SLC24A1: variants seen among roughly 807,000 people sequenced by gnomAD.
SLC24A1 encodes the protein sodium/potassium/calcium exchanger 1.
A neutral mutation model predicts 88.1 loss-of-function variants in SLC24A1; 52 were observed. The ratio of observed to expected loss-of-function variants is 0.59; its 90% CI spans 0.47 to 0.74. The LOEUF is 0.74. SLC24A1 is among the 30% of genes least tolerant of loss of function. The pLI is 0.00. For synonymous variants in SLC24A1, 455 were observed against 498.0 expected (o/e 0.91, Z 1.15); for missense variants, 1,173 against 1,363.3 (o/e 0.86, Z 2.20).
chr15:65,660,157 G>T (rs1362099327), downstream of SLC24A1: 6 of 649,610 alleles, frequency 9.2e-6, no homozygotes, highest in Non-Finnish European at 1.6e-5. Context: ...GAATAATATT[G>T]GAGTGGTATT....
At chr15:65,636,445 C>T (rs188101943) in intron 2 of SLC24A1, among the ~76,000 whole-genome samples, 5 of 151,854 alleles carry the variant, frequency 3.3e-5, no homozygotes, top group Admixed American at 2.0e-4. Context: ...AGCCGGGTGT[C>T]GTAGTACGCA....
At chr15:65,637,293 T>C (rs574439677) in intron 2 of SLC24A1, among the ~76,000 whole-genome samples, 1 of 151,672 alleles carries the variant, frequency 6.6e-6, no homozygotes, top group South Asian at 2.1e-4. Flanking sequence ...CACAGCTGAT[T>C]TTAGTATCAC....
At chr15:65,631,097 A>G (rs2074708879) in intron 2 of SLC24A1, among the ~76,000 whole-genome samples, 1 of 152,220 alleles carries the variant, frequency 6.6e-6, no homozygotes, top group African/African-American at 2.4e-5. Flanking sequence ...GAAAAACTCA[A>G]ACATCTGATC....
At position 65,624,316 on chromosome 15, in the gene SLC24A1, C is replaced by G. The variant is rs2074423310; in HGVS notation, c.236C>G (p.Pro79Arg). The part of the protein sequence containing the change: ...SEEMMMMSSS[P>R]SKPSSEMGGK... ...GAGATGATGATGATGAGCAGCAGCC[C>G]TTCAAAACCTAGCTCCGAAATGGGG... Residue 79 changes from proline to arginine, a missense_variant, in exon 2 of 10, where the codon CCT becomes CGT. Transcript: ENST00000261892. The G allele has an allele frequency of 6.2e-7, 1 of 1,613,562 alleles. No homozygotes were observed.
At chr15:65,614,893 T>G (rs1423869870) in intron 2 of SLC24A1, among the ~76,000 whole-genome samples, 1 of 152,162 alleles carries the variant, frequency 6.6e-6, no homozygotes, top group Non-Finnish European at 1.5e-5. Context: ...TCTAAGAAAG[T>G]AGAAAGGAAC....
chr15:65,635,951 A>C (rs2074918093), intron 2 of SLC24A1, among the ~76,000 whole-genome samples: 1 of 152,242 alleles, frequency 6.6e-6, no homozygotes, highest in South Asian at 2.1e-4. Context: ...GCAGGTTCTC[A>C]GTAAATAAGA....
In SLC24A1 at chr15:65,650,771, GGAGGAAGAGCAGGAGGAA is replaced by G. The variant is rs775623550; in HGVS notation, c.2628_2645del (p.Gln878_Glu883del). ...AGGAAGAGCAGGAGGAAGAGGAGGA[GGAGGAAGAGCAGGAGGAA>G]GAGGAGGAGGAGGAGGAGGAAGAGG... On this transcript the variant is annotated inframe_deletion, in exon 7 of 10. Coordinates refer to ENST00000261892, the MANE Select transcript of SLC24A1 (RefSeq NM_004727.3). The surrounding 1 kb of genome is among the most constrained non-coding windows in gnomAD (Gnocchi z 4.1). The G allele has an allele frequency of 4.8e-5, 78 of 1,611,126 alleles. No individual in the cohort carries two copies. Among genetic ancestry groups the G allele is most frequent in the Non-Finnish European group, 2.5e-6 (3 of 1,178,676 alleles).
chr15:65,646,773 T>G (rs2075314969), intron 6 of SLC24A1, among the ~76,000 whole-genome samples: 1 of 152,186 alleles, frequency 6.6e-6, no homozygotes, highest in African/African-American at 2.4e-5. Flanking sequence ...TCTCTTTTTT[T>G]CTCTCCATTC....
At position 65,655,878 on chromosome 15, in the gene SLC24A1, A is replaced by G. The variant is rs2075666622; in HGVS notation, c.*1799A>G. The stretch of plus-strand genomic sequence containing the variant: ...AATGGTATTTTACTTTACAACATGG[A>G]TGGGCTCATCCTTATCTTTAGGTCA... On this transcript the variant is annotated 3_prime_UTR_variant, in exon 10 of 10. Transcript: ENST00000261892. 1.5e-5 allele frequency: 15 copies of G among 985,336 alleles called. No homozygotes were observed. Among genetic ancestry groups the G allele is most frequent in the Non-Finnish European group, 1.8e-5 (15 of 829,828 alleles). 61.0% of individuals were successfully genotyped at this position (985,336 alleles called of 1,614,324 possible).
chr15:65,647,475 CAAAAAAA>C (rs199501932), intron 6 of SLC24A1, among the ~76,000 whole-genome samples: 4 of 81,188 alleles, frequency 4.9e-5, no homozygotes, highest in African/African-American at 1.3e-4. Flanking sequence ...GAGACTGTCT[CAAAAAAA>C]AAAAAAAAAA....
chr15:65,613,324 G>A lies in SLC24A1; in HGVS notation c.-228+711G>A, dbSNP rs34591601. Reference sequence around the variant, plus strand: ...CAGAAAAACCATGGCTCTCACAGGGGCTAGGTACTGGGGAGCTCAAAGGGA... The same window carrying A: ...CAGAAAAACCATGGCTCTCACAGGGACTAGGTACTGGGGAGCTCAAAGGGA... On this transcript the variant is annotated intron_variant, in intron 2 of 11. Coordinates refer to the SLC24A1 transcript ENST00000537259. Among the ~76,000 whole-genome samples, 1,271 of 152,282 alleles carry A rather than the reference G, an allele frequency of 8.3e-3. 12 individuals carry two copies. Among genetic ancestry groups the A allele is most frequent in the Non-Finnish European group, 0.014 (973 of 68,022 alleles).
chr15:65,626,054 G>C (rs1182141714), intron 2 of SLC24A1, 84 bp downstream of exon 2: 7 of 963,236 alleles, frequency 7.3e-6, no homozygotes, highest in Non-Finnish European at 1.0e-5. Context: ...GAAGGTGCTG[G>C]ATCAGACCTC....
intron 4 of SLC24A1, among the ~76,000 whole-genome samples, chr15:65,641,348 G>A (rs1362031253): frequency 6.6e-6 from 1 of 151,172 alleles, no homozygotes. Flanking sequence ...GACAGAGCGA[G>A]ACCATCTCTA....
At chr15:65,621,315 G>A (rs906945825), upstream of SLC24A1, among the ~76,000 whole-genome samples, 3 of 152,200 alleles carry the variant, frequency 2.0e-5, no homozygotes, top group African/African-American at 7.2e-5. Flanking sequence ...GTCATGGGCT[G>A]GAGGCGCGGG....
rs1194066869 is a variant in SLC24A1, at chr15:65,650,310, A to T, written c.2233-72A>T. The T allele has an allele frequency of 5.3e-6, 7 of 1,309,288 alleles. No individual in the cohort carries two copies. The East Asian group carries it at 1.5e-4, about 28-fold the overall frequency. The allele number at this position is 1,309,288 out of a possible 1,614,324, so 81.1% of individuals were successfully genotyped here. On this transcript the variant is annotated intron_variant, in intron 6 of 9. Coordinates refer to ENST00000261892, the MANE Select transcript of SLC24A1 (RefSeq NM_004727.3). The surrounding 1 kb of genome is among the most constrained non-coding windows in gnomAD (Gnocchi z 4.1). ...CCTTCTGAGAAGCACGCCAACAAAA[A>T]AATGGGGGAGTAACATAAGGAAAAC...
downstream of SLC24A1, among the ~76,000 whole-genome samples, chr15:65,658,866 A>G (rs142062323): frequency 3.4e-3 from 515 of 152,314 alleles, 4 homozygotes; most frequent in African/African-American, 0.012. Context: ...GTTTTCTGGG[A>G]CCATTTCTCT....
At chr15:65,631,200 C>T (rs940265629) in intron 2 of SLC24A1, among the ~76,000 whole-genome samples, 2 of 152,084 alleles carry the variant, frequency 1.3e-5, no homozygotes, top group African/African-American at 2.4e-5. Context: ...AATATTTTCT[C>T]CTAGTGCATA....
At chr15:65,636,816 C>T (rs2074951232) in intron 2 of SLC24A1, among the ~76,000 whole-genome samples, 1 of 151,644 alleles carries the variant, frequency 6.6e-6, no homozygotes, top group Non-Finnish European at 1.5e-5. Flanking sequence ...GGGGAGGTTG[C>T]AGTGAGGCGA....
rs1217885452 is a variant in SLC24A1, at chr15:65,643,107, A to G, written c.2054-1320A>G. The G allele has an allele frequency of 1.1e-5, 11 of 963,326 alleles. No homozygotes were observed. In the Admixed American group the frequency reaches 2.1e-4, roughly 18 times the overall value. The allele number at this position is 963,326 out of a possible 1,614,324, so 59.7% of individuals were successfully genotyped here. A position where few individuals can be genotyped will look rare whatever the true frequency, so the allele number is the denominator to read the frequency against. ...ATAGAGTGCTTTCTAGGTGCCAGACACTGTTTTGACCATATTCATGTATAA... is the reference window on the plus strand; with the variant it reads ...ATAGAGTGCTTTCTAGGTGCCAGACGCTGTTTTGACCATATTCATGTATAA... On this transcript the variant is annotated intron_variant, in intron 4 of 9. Transcript: ENST00000261892.
Sources: allele counts gnomAD v4.1 joint callset (sites outside exome capture counted in the v4.1 genomes callset), GRCh38; gene constraint gnomAD v4.1.1; non-coding constraint Gnocchi (gnomAD v3.1); transcripts MANE v1.5; gene names NCBI Gene and HGNC (gene_info 2026-07-23, HGNC 2026-07-21).